The following COL19A1 variants were observed in gnomAD, a reference collection of about 807,000 sequenced individuals.
The protein encoded by COL19A1 is collagen type XIX alpha 1 chain.
COL19A1 carries 159 observed loss-of-function variants against 190.2 expected under a neutral mutation model. That is an observed-to-expected ratio of 0.84 (90% CI 0.73 to 0.95). COL19A1 has a LOEUF of 0.95. Ranked by LOEUF, COL19A1 falls within the 40% of genes least tolerant of loss-of-function variation. The pLI is 0.00. For missense variants in COL19A1, 1,418 were observed against 1,431.9 expected, an observed-to-expected ratio of 0.99 and a Z score of 0.16; for synonymous variants, 509 against 458.9, an observed-to-expected ratio of 1.11 and a Z score of -1.39.
chr6:70,099,559 T>C (rs1783498985), intron 15 of COL19A1, among the ~76,000 whole-genome samples: 1 of 146,914 alleles, frequency 6.8e-6, no homozygotes, highest in Non-Finnish European at 1.5e-5. Flanking sequence ...AAAAAAAAAT[T>C]ACAAAACACT....
intron 40 of COL19A1, 123 bp downstream of exon 40, chr6:70,168,804 C>G: frequency 1.1e-6 from 1 of 949,078 alleles, no homozygotes. Flanking sequence ...CTGGTGGTGA[C>G]AAGCAGGCCA....
chr6:70,177,577 G>T (rs1369871777), intron 42 of COL19A1, among the ~76,000 whole-genome samples: 1 of 152,352 alleles, frequency 6.6e-6, no homozygotes, highest in East Asian at 1.9e-4. Context: ...TCGTATGACT[G>T]TAAAAGTAGC....
At chr6:70,136,453 A>G (rs1367905370) in intron 18 of COL19A1, among the ~76,000 whole-genome samples, 2 of 152,216 alleles carry the variant, frequency 1.3e-5, no homozygotes, top group Non-Finnish European at 2.9e-5. Context: ...CTCATCTGTT[A>G]TAATGAATGA....
chr6:70,025,673 C>A (rs572171343), intron 12 of COL19A1, among the ~76,000 whole-genome samples: 1 of 152,312 alleles, frequency 6.6e-6, no homozygotes, highest in South Asian at 2.1e-4. Context: ...TTACACTCTC[C>A]GTGAAAGCAA....
intron 15 of COL19A1, among the ~76,000 whole-genome samples, chr6:70,099,789 C>A (rs755617117): frequency 6.6e-6 from 1 of 152,186 alleles, no homozygotes; most frequent in Non-Finnish European, 1.5e-5. Context: ...AATTACTTAG[C>A]AACCCCCAAA....
chr6:69,962,892 C>A, intron 11 of COL19A1, 22 bp downstream of exon 11: 2 of 1,575,182 alleles, frequency 1.3e-6, no homozygotes, highest in South Asian at 2.3e-5. Context: ...TTTTTACATT[C>A]ACATCTGTAA....
intron 41 of COL19A1, among the ~76,000 whole-genome samples, chr6:70,172,993 A>G (rs1765586666): frequency 6.6e-6 from 1 of 152,212 alleles, no homozygotes; most frequent in Non-Finnish European, 1.5e-5. Flanking sequence ...GGTAGCACTG[A>G]TAGGATTTTC....
intron 4 of COL19A1, among the ~76,000 whole-genome samples, chr6:69,911,256 C>T (rs892130565): frequency 6.6e-6 from 1 of 152,156 alleles, no homozygotes; most frequent in Non-Finnish European, 1.5e-5. Flanking sequence ...AACTTAGCCA[C>T]AAATGCTAAT....
chr6:70,086,587 G>A (rs1782603660), intron 15 of COL19A1, among the ~76,000 whole-genome samples: 1 of 152,072 alleles, frequency 6.6e-6, no homozygotes, highest in Non-Finnish European at 1.5e-5. Flanking sequence ...TTACATATCT[G>A]CATTTTAAAA....
At chr6:70,087,536 G>T (rs1303427184) in intron 15 of COL19A1, among the ~76,000 whole-genome samples, 1 of 152,100 alleles carries the variant, frequency 6.6e-6, no homozygotes, top group Non-Finnish European at 1.5e-5. Flanking sequence ...GAAAGGCAGA[G>T]CACAGCCTTG....
chr6:70,192,434 C>A (rs929090243), intron 48 of COL19A1, among the ~76,000 whole-genome samples: 1 of 151,662 alleles, frequency 6.6e-6, no homozygotes, highest in South Asian at 2.1e-4. Flanking sequence ...ATTTTGAGGT[C>A]TTTTCTTTCA....
chr6:70,070,496 A>G (rs1434965643), intron 15 of COL19A1, among the ~76,000 whole-genome samples: 1 of 152,118 alleles, frequency 6.6e-6, no homozygotes, highest in African/African-American at 2.4e-5. Context: ...CTCTTTCCCA[A>G]ATGCCCTATT....
At chr6:70,123,972 T>A (rs111312778) in intron 17 of COL19A1, among the ~76,000 whole-genome samples, 21,788 of 143,782 alleles carry the variant, frequency 0.15, 1,665 homozygotes, top group Middle Eastern at 0.18. Flanking sequence ...ATAATAAATT[T>A]AAAAAAAAAA....
chr6:70,063,876 G>A (rs1781003483), intron 14 of COL19A1, among the ~76,000 whole-genome samples: 2 of 152,176 alleles, frequency 1.3e-5, no homozygotes, highest in African/African-American at 2.4e-5. Context: ...AGAAAATCTA[G>A]AAGAAATGGA....
intron 14 of COL19A1, among the ~76,000 whole-genome samples, chr6:70,053,971 A>G (rs1484027392): frequency 6.6e-6 from 1 of 152,240 alleles, no homozygotes; most frequent in Non-Finnish European, 1.5e-5. Context: ...GTTCTGCAGA[A>G]TTAACAAGAC....
chr6:70,124,555 C>CA (rs59538478), intron 17 of COL19A1, among the ~76,000 whole-genome samples: 3,726 of 118,486 alleles, frequency 0.031, 105 homozygotes, highest in East Asian at 0.19. Context: ...GGTTATATTT[C>CA]AAAAAAAAAA....
intron 9 of COL19A1, among the ~76,000 whole-genome samples, chr6:69,949,895 G>A (rs376430633): frequency 6.6e-6 from 1 of 151,748 alleles, no homozygotes; most frequent in East Asian, 1.9e-4. Flanking sequence ...AAAAACATAT[G>A]TACAATACCA....
chr6:70,057,476 C>T (rs1017277732), intron 14 of COL19A1, among the ~76,000 whole-genome samples: 6 of 151,956 alleles, frequency 3.9e-5, no homozygotes, highest in African/African-American at 1.4e-4. Flanking sequence ...TGCTAGTAAA[C>T]CCAGAATAAT....
At chr6:70,022,603 A>G (rs1033846839) in intron 11 of COL19A1, among the ~76,000 whole-genome samples, 2 of 152,174 alleles carry the variant, frequency 1.3e-5, no homozygotes, top group African/African-American at 2.4e-5. Context: ...ACAAAATTAT[A>G]TGTCACTATG....
Sources: gnomAD v4.1 joint callset for allele counts (sites outside exome capture counted in the v4.1 genomes callset) on GRCh38, gnomAD v4.1.1 for gene constraint, MANE v1.5 for transcripts, NCBI Gene and HGNC (gene_info 2026-07-23, HGNC 2026-07-21) for gene names.